The following SND1 variants were observed in gnomAD, a reference collection of about 807,000 sequenced individuals.
The protein encoded by SND1 is staphylococcal nuclease and tudor domain containing 1, also known as staphylococcal nuclease domain-containing protein 1.
A neutral mutation model predicts 121.7 loss-of-function variants in SND1; 38 were observed. That is an observed-to-expected ratio of 0.31 (90% confidence interval 0.24 to 0.41). SND1 has a LOEUF of 0.41. Ranked by LOEUF, SND1 falls within the 10% of genes least tolerant of loss-of-function variation. The pLI, the probability that SND1 is intolerant of heterozygous loss-of-function variation, is 1.00. For missense variants in SND1, 868 were observed against 1,184.6 expected (o/e 0.73, Z 3.92); for synonymous variants, 401 against 447.4 (o/e 0.90, Z 1.31).
chr7:127,735,639 T>TTG (rs1562995209), intron 10 of SND1, among the ~76,000 whole-genome samples: 8 of 151,974 alleles, frequency 5.3e-5, no homozygotes, highest in South Asian at 2.1e-4. Flanking sequence ...TGTTGTTGTT[T>TTG]TTTTGGAGAC....
chr7:127,982,139 AT>A (rs1259118775), intron 15 of SND1, among the ~76,000 whole-genome samples: 1 of 152,202 alleles, frequency 6.6e-6, no homozygotes, highest in African/African-American at 2.4e-5. Flanking sequence ...AACTTAAGGC[AT>A]GTTTAACAGC....
In SND1 at chr7:127,869,049, A is replaced by G. The variant is rs553688213; in HGVS notation, c.1344-18853A>G. Among the ~76,000 whole-genome samples, 31 of 152,298 alleles carry G rather than the reference A, an allele frequency of 2.0e-4. No individual in the cohort carries two copies. In the East Asian group the frequency reaches 6.0e-3, roughly 29 times the overall value. ...AGATATATAGGTGATGAAAAGTGCT[A>G]TAGAGAAAACTAAAGCTATGAAAGA... On this transcript the variant is annotated intron_variant, in intron 12 of 23. Coordinates refer to ENST00000354725, the MANE Select transcript of SND1 (RefSeq NM_014390.4).
chr7:128,000,644 C>T (rs760590332), intron 16 of SND1, among the ~76,000 whole-genome samples: 2 of 152,144 alleles, frequency 1.3e-5, no homozygotes, highest in African/African-American at 4.8e-5. Flanking sequence ...GCTGGGATTA[C>T]GGGCATGAGC....
chr7:128,084,285 C>T (rs1259161873), intron 18 of SND1, among the ~76,000 whole-genome samples: 1 of 152,236 alleles, frequency 6.6e-6, no homozygotes, highest in Non-Finnish European at 1.5e-5. Flanking sequence ...CAGTTACCAC[C>T]TCTGTGGCCC....
chr7:127,782,831 C>T (rs1283455036), intron 10 of SND1, among the ~76,000 whole-genome samples: 6 of 152,166 alleles, frequency 3.9e-5, no homozygotes, highest in Non-Finnish European at 1.5e-5. Context: ...TTCCAGTGGC[C>T]TGGACTGAGT....
intron 1 of SND1, among the ~76,000 whole-genome samples, chr7:127,686,330 CTGT>C (rs1215668892): frequency 6.6e-6 from 1 of 152,202 alleles, no homozygotes; most frequent in East Asian, 1.9e-4. Flanking sequence ...GGTCATTAAT[CTGT>C]ATGTCTCACA....
chr7:127,868,356 G>C (rs893834862), intron 12 of SND1, among the ~76,000 whole-genome samples: 2 of 152,196 alleles, frequency 1.3e-5, no homozygotes, highest in Non-Finnish European at 2.9e-5. Context: ...CTGCACTCCA[G>C]CCTGGGTGAC....
intron 10 of SND1, among the ~76,000 whole-genome samples, chr7:127,751,312 C>A (rs75382386): frequency 6.6e-6 from 1 of 152,024 alleles, no homozygotes; most frequent in Non-Finnish European, 1.5e-5. Context: ...GGCTTGTCTC[C>A]GATACTTGAG....
chr7:127,845,564 A>G (rs951991801), intron 12 of SND1, among the ~76,000 whole-genome samples: 5 of 152,238 alleles, frequency 3.3e-5, no homozygotes, highest in Admixed American at 3.3e-4. Context: ...ATAAATTACA[A>G]TAGTTATTTG....
At chr7:127,882,957 C>A (rs540109015) in intron 12 of SND1, among the ~76,000 whole-genome samples, 6 of 152,168 alleles carry the variant, frequency 3.9e-5, no homozygotes, top group Non-Finnish European at 8.8e-5. Context: ...AGTAAGCCAT[C>A]ACTCTCCATG....
chr7:128,034,415 A>C (rs1486502154), intron 16 of SND1, among the ~76,000 whole-genome samples: 2 of 152,160 alleles, frequency 1.3e-5, no homozygotes, highest in Non-Finnish European at 2.9e-5. Flanking sequence ...CCGACCTAGT[A>C]GAGTCATCTA....
chr7:127,736,201 G>T (rs1796773755), intron 10 of SND1, among the ~76,000 whole-genome samples: 1 of 152,132 alleles, frequency 6.6e-6, no homozygotes, highest in Non-Finnish European at 1.5e-5. Context: ...CTCTGCCCTA[G>T]AAATTTTCCT....
chr7:127,914,776 A>T (rs1482794619), intron 14 of SND1, among the ~76,000 whole-genome samples: 3 of 152,150 alleles, frequency 2.0e-5, no homozygotes, highest in Admixed American at 2.0e-4. Flanking sequence ...TGGGGTCATG[A>T]TTATTAGCAC....
At chr7:127,815,753 G>A (rs1246749385) in intron 11 of SND1, among the ~76,000 whole-genome samples, 3 of 152,032 alleles carry the variant, frequency 2.0e-5, no homozygotes, top group Admixed American at 6.6e-5. Context: ...AATTTTGAGG[G>A]GGTAATTTGC....
intron 15 of SND1, among the ~76,000 whole-genome samples, chr7:127,981,018 A>C (rs1802246947): frequency 6.6e-6 from 1 of 152,242 alleles, no homozygotes; most frequent in South Asian, 2.1e-4. Flanking sequence ...CTTTAAAATA[A>C]GTCAGAAGAA....
chr7:128,061,631 A>G (rs1001346689), intron 16 of SND1, among the ~76,000 whole-genome samples: 1 of 152,264 alleles, frequency 6.6e-6, no homozygotes, highest in African/African-American at 2.4e-5. Flanking sequence ...AAGCCATGCC[A>G]TATTTTAATT....
chr7:127,985,717 A>G (rs900282190), intron 15 of SND1, among the ~76,000 whole-genome samples: 1 of 152,182 alleles, frequency 6.6e-6, no homozygotes, highest in Non-Finnish European at 1.5e-5. Flanking sequence ...ATCTTCCACA[A>G]CAATCCTCAT....
At chr7:127,815,080 C>T (rs1407486783) in intron 11 of SND1, among the ~76,000 whole-genome samples, 1 of 152,058 alleles carries the variant, frequency 6.6e-6, no homozygotes, top group Non-Finnish European at 1.5e-5. Flanking sequence ...TCTGGCAAAA[C>T]TTAAGGTATC....
chr7:127,760,369 C>T (rs1230040510), intron 10 of SND1, among the ~76,000 whole-genome samples: 3 of 152,096 alleles, frequency 2.0e-5, no homozygotes, highest in Admixed American at 6.6e-5. Context: ...ATAAAGTGGG[C>T]ACCATAATGA....
Sources: allele counts gnomAD v4.1 joint callset (sites outside exome capture counted in the v4.1 genomes callset), GRCh38; gene constraint gnomAD v4.1.1; transcripts MANE v1.5; gene names NCBI Gene and HGNC (gene_info 2026-07-23, HGNC 2026-07-21).